Variants in ATP2B2 observed in about 807,000 individuals in gnomAD.
The protein encoded by ATP2B2 is ATPase plasma membrane Ca2+ transporting 2.
Under a neutral mutation model 120.0 loss-of-function variants are expected in ATP2B2, and 15 were observed. The ratio of observed to expected loss-of-function variants is 0.12; its 90% CI spans 0.08 to 0.19. The LOEUF (loss-of-function observed/expected upper bound fraction) is 0.19. ATP2B2 is among the 10% of genes least tolerant of loss of function. The probability of loss-of-function intolerance (pLI) is 1.00; values close to 1 mark genes in which losing one functional copy is unlikely to be tolerated. For missense variants in ATP2B2, 1,045 were observed against 1,719.8 expected, an observed-to-expected ratio of 0.61 and a Z score of 6.94; for synonymous variants, 694 against 700.3, an observed-to-expected ratio of 0.99 and a Z score of 0.14.
chr3:10,383,093 A>G (rs911369868), intron 8 of ATP2B2, among the ~76,000 whole-genome samples: 20 of 149,592 alleles, frequency 1.3e-4, no homozygotes, highest in African/African-American at 4.9e-4. Flanking sequence ...TATTATTATT[A>G]TACTTTAAGT....
chr3:10,515,885 C>A (rs1429887576), intron 3 of ATP2B2, among the ~76,000 whole-genome samples: 1 of 152,138 alleles, frequency 6.6e-6, no homozygotes, highest in Non-Finnish European at 1.5e-5. Flanking sequence ...TACCTGTAAG[C>A]CCCTTCTCTT....
chr3:10,570,922 A>G (rs2125544245), intron 2 of ATP2B2, among the ~76,000 whole-genome samples: 1 of 152,366 alleles, frequency 6.6e-6, no homozygotes, highest in Middle Eastern at 3.4e-3. Flanking sequence ...ATCCTTAATG[A>G]AGATAAATTC....
At chr3:10,467,752 C>T (rs544564977) in intron 1 of ATP2B2, among the ~76,000 whole-genome samples, 111 of 152,214 alleles carry the variant, frequency 7.3e-4, no homozygotes, top group Non-Finnish European at 1.3e-3. Flanking sequence ...ACATTTTTGG[C>T]GGGGAGATGG....
intron 1 of ATP2B2, among the ~76,000 whole-genome samples, chr3:10,622,730 T>G (rs534922652): frequency 2.4e-4 from 37 of 152,288 alleles, no homozygotes; most frequent in African/African-American, 8.7e-4. Flanking sequence ...GAGCATGGCC[T>G]GGGGGCCTTG....
At chr3:10,487,431 C>G (rs1408921367) in intron 1 of ATP2B2, among the ~76,000 whole-genome samples, 1 of 152,164 alleles carries the variant, frequency 6.6e-6, no homozygotes, top group Non-Finnish European at 1.5e-5. Context: ...CCTGGCTTAC[C>G]TTAGGATCTC....
intron 1 of ATP2B2, among the ~76,000 whole-genome samples, chr3:10,669,029 A>C (rs1360116850): frequency 6.6e-6 from 1 of 152,242 alleles, no homozygotes; most frequent in Non-Finnish European, 1.5e-5. Flanking sequence ...CTCTACATTC[A>C]GCCTCAGGAA....
In ATP2B2 at chr3:10,375,369, T is replaced by G; in HGVS notation, c.1416+61A>C. 2 of 1,442,680 alleles carry G rather than the reference T, an allele frequency of 1.4e-6. No homozygotes were observed. Among genetic ancestry groups the G allele is most frequent in the African/African-American group, 1.4e-5 (1 of 71,500 alleles). 89.4% of individuals were successfully genotyped at this position (1,442,680 alleles called of 1,614,324 possible). On this transcript the variant is annotated intron_variant, in intron 11 of 22. Coordinates refer to ENST00000360273, the MANE Select transcript of ATP2B2 (RefSeq NM_001001331.4). The surrounding 1 kb of genome is among the most constrained non-coding windows in gnomAD (Gnocchi z 4.2). ...CAACCCCAGCACCAGCCCCAGTGATTCCCCCAGGCCCTCAGCTGCAGCTGC... is the reference window on the plus strand; with the variant it reads ...CAACCCCAGCACCAGCCCCAGTGATGCCCCCAGGCCCTCAGCTGCAGCTGC...
Position 10,505,516 on chromosome 3 carries a change from C to G in ATP2B2, c.-371G>C, listed in dbSNP as rs1470450634. 6.6e-6 allele frequency: 1 copy of G among 150,816 alleles called. No homozygotes were observed. Among genetic ancestry groups the G allele is most frequent in the Admixed American group, 6.6e-5 (1 of 15,134 alleles). 9.3% of individuals were successfully genotyped at this position (150,816 alleles called of 1,614,324 possible). On this transcript the variant is annotated 5_prime_UTR_variant, in exon 1 of 23. Coordinates refer to ENST00000360273, the MANE Select transcript of ATP2B2 (RefSeq NM_001001331.4). ...TGCACGGTTTCCCGGCGGGCAGCCC[C>G]GTAATCGCGGTGCGGCAGCTGGTGC...
chr3:10,503,440 C>T (rs979425819), intron 1 of ATP2B2, among the ~76,000 whole-genome samples: 4 of 152,240 alleles, frequency 2.6e-5, no homozygotes, highest in East Asian at 1.9e-4. Flanking sequence ...ATCACAGCTC[C>T]CTGGGAATAC....
intron 1 of ATP2B2, among the ~76,000 whole-genome samples, chr3:10,492,293 C>A (rs142099037): frequency 2.0e-5 from 3 of 152,104 alleles, no homozygotes; most frequent in Non-Finnish European, 4.4e-5. Context: ...AGTCTCTTTC[C>A]AGAGCTTGGC....
At chr3:10,558,458 G>A (rs1244735960) in intron 2 of ATP2B2, among the ~76,000 whole-genome samples, 1 of 152,174 alleles carries the variant, frequency 6.6e-6, no homozygotes. Context: ...AAGGTGGGAG[G>A]AGGGGGGCAC....
intron 2 of ATP2B2, among the ~76,000 whole-genome samples, chr3:10,594,681 C>T (rs1342155334): frequency 3.3e-5 from 5 of 150,044 alleles, no homozygotes; most frequent in African/African-American, 9.9e-5. Context: ...CAAACCTGCA[C>T]GTTGTGCACA....
intron 1 of ATP2B2, among the ~76,000 whole-genome samples, chr3:10,664,771 A>G (rs1456441567): frequency 6.6e-6 from 1 of 152,198 alleles, no homozygotes; most frequent in Admixed American, 6.5e-5. Flanking sequence ...GGAAGGCAAT[A>G]GAGAAAGCCA....
chr3:10,335,419 A>G (rs758857723), intron 22 of ATP2B2, among the ~76,000 whole-genome samples: 1 of 152,050 alleles, frequency 6.6e-6, no homozygotes, highest in Non-Finnish European at 1.5e-5. Context: ...GCGGGCAGAG[A>G]CTCTGAACTG....
intron 1 of ATP2B2, among the ~76,000 whole-genome samples, chr3:10,621,306 G>A (rs2069540825): frequency 6.6e-6 from 1 of 152,164 alleles, no homozygotes; most frequent in East Asian, 1.9e-4. Flanking sequence ...GAGCAGAGTT[G>A]CAGGGAACCC....
rs1553616020 is a variant in ATP2B2 at position 10,486,312 on chromosome 3, T to TGTGC, written c.-320+19152_-320+19153insGCAC. ...ATCTGTTTTTCAAACAGCAGCCAGG[T>TGTGC]GTGTGTGCGTGCGTGTGTGTGTGTG... On this transcript the variant is annotated intron_variant, in intron 1 of 22. Transcript: ENST00000360273. Among the ~76,000 whole-genome samples the TGTGC allele has an allele frequency of 3.3e-4, 36 of 110,328 alleles. No individual in the cohort carries two copies. The East Asian group carries it at 8.2e-3, about 25-fold the overall frequency. 72.4% of individuals were successfully genotyped at this position (110,328 alleles called of 152,430 possible).
At chr3:10,568,733 T>C (rs1281648320) in intron 2 of ATP2B2, among the ~76,000 whole-genome samples, 1 of 152,200 alleles carries the variant, frequency 6.6e-6, no homozygotes, top group Non-Finnish European at 1.5e-5. Context: ...CTTTTCCCAA[T>C]GTGTTCCCAG....
At chr3:10,604,713 C>G (rs2069015605) in intron 2 of ATP2B2, among the ~76,000 whole-genome samples, 1 of 152,202 alleles carries the variant, frequency 6.6e-6, no homozygotes, top group Admixed American at 6.5e-5. Context: ...CCAGGTAACA[C>G]TAGGCCAGCT....
chr3:10,644,426 T>C (rs2070263170), intron 1 of ATP2B2, among the ~76,000 whole-genome samples: 2 of 152,160 alleles, frequency 1.3e-5, no homozygotes, highest in African/African-American at 2.4e-5. Flanking sequence ...CCAGAAAGAA[T>C]TGAAAACAGG....
Sources: allele counts gnomAD v4.1 joint callset (sites outside exome capture counted in the v4.1 genomes callset), GRCh38; gene constraint gnomAD v4.1.1; non-coding constraint Gnocchi (gnomAD v3.1); transcripts MANE v1.5; gene names NCBI Gene and HGNC (gene_info 2026-07-23, HGNC 2026-07-21).